Variants in SNX30 observed in about 807,000 individuals in gnomAD.
SNX30 encodes sorting nexin family member 30.
SNX30 carries 24 observed loss-of-function variants against 46.4 expected under a neutral mutation model. That is an observed-to-expected ratio of 0.52 (90% confidence interval 0.37 to 0.73). SNX30 has a LOEUF of 0.73. SNX30 is among the 30% of genes least tolerant of loss of function. The probability of loss-of-function intolerance (pLI) is 0.00; values close to 1 mark genes in which losing one functional copy is unlikely to be tolerated. For synonymous variants in SNX30, 189 were observed against 211.5 expected, an observed-to-expected ratio of 0.89 and a Z score of 0.92; for missense variants, 533 against 555.7, an observed-to-expected ratio of 0.96 and a Z score of 0.41.
intron 6 of SNX30, among the ~76,000 whole-genome samples, chr9:112,841,196 G>T (rs979153655): frequency 6.6e-6 from 1 of 152,142 alleles, no homozygotes; most frequent in Admixed American, 6.5e-5. Context: ...CACAGCACTG[G>T]GATACTATAG....
intron 1 of SNX30, among the ~76,000 whole-genome samples, chr9:112,771,829 A>G (rs1435745843): frequency 6.6e-5 from 10 of 152,362 alleles, no homozygotes. Flanking sequence ...AAGGGAAAAA[A>G]GAGACAGTGC....
intron 4 of SNX30, among the ~76,000 whole-genome samples, chr9:112,833,228 C>T (rs536851690): frequency 1.3e-5 from 2 of 152,260 alleles, no homozygotes; most frequent in African/African-American, 2.4e-5. Flanking sequence ...CTCATTTTTT[C>T]CTTTAACATA....
intron 1 of SNX30, among the ~76,000 whole-genome samples, chr9:112,762,310 A>C (rs1433494256): frequency 1.3e-5 from 2 of 152,056 alleles, no homozygotes; most frequent in African/African-American, 4.8e-5. Context: ...AGGCGGGAAG[A>C]GCACACAGCG....
At chr9:112,859,303 C>T (rs772743202) in intron 7 of SNX30, among the ~76,000 whole-genome samples, 1 of 152,214 alleles carries the variant, frequency 6.6e-6, no homozygotes, top group Non-Finnish European at 1.5e-5. Flanking sequence ...GGGACATACA[C>T]ACACATACAT....
At chr9:112,879,251 C>T (rs1470688386), downstream of SNX30, 1 of 152,600 alleles carries the variant, frequency 6.6e-6, no homozygotes. Context: ...ATTTAAAAGA[C>T]ATTGTTCGTG....
Position 112,840,614 on chromosome 9 carries a change from T to C in SNX30, c.1014+1917T>C, listed in dbSNP as rs376191861. 8.1e-4 allele frequency among the ~76,000 whole-genome samples: 120 copies of C among 148,096 alleles called. 2 individuals are homozygous for C. The South Asian group carries it at 0.018, about 22-fold the overall frequency. Reference sequence around the variant, plus strand: ...GATTCTCGTGCCTCAGCCTCCCGAGTAGCTGGGATTACAGGCACCCGCCAC... The same window carrying C: ...GATTCTCGTGCCTCAGCCTCCCGAGCAGCTGGGATTACAGGCACCCGCCAC... On this transcript the variant is annotated intron_variant, in intron 6 of 8. Coordinates refer to ENST00000374232, the MANE Select transcript of SNX30 (RefSeq NM_001012994.2).
intron 2 of SNX30, among the ~76,000 whole-genome samples, chr9:112,806,251 C>T (rs1204597856): frequency 1.3e-5 from 2 of 152,076 alleles, no homozygotes; most frequent in African/African-American, 4.8e-5. Context: ...ACCCCACCCC[C>T]GACCAGTTGA....
chr9:112,821,643 T>C (rs1416666308), intron 3 of SNX30, among the ~76,000 whole-genome samples: 2 of 151,842 alleles, frequency 1.3e-5, no homozygotes, highest in South Asian at 2.1e-4. Flanking sequence ...CCCGCCACCA[T>C]GCCTGGCTAA....
chr9:112,849,645 G>A (rs1840993658), intron 6 of SNX30, among the ~76,000 whole-genome samples: 1 of 152,144 alleles, frequency 6.6e-6, no homozygotes, highest in South Asian at 2.1e-4. Flanking sequence ...ACTTTTCAGA[G>A]GAAGACTTGA....
chr9:112,775,402 C>T (rs1162386958), intron 1 of SNX30, among the ~76,000 whole-genome samples: 2 of 152,124 alleles, frequency 1.3e-5, no homozygotes, highest in Non-Finnish European at 2.9e-5. Context: ...CCCACCTTGG[C>T]CTCCCAAAGT....
chr9:112,775,248 C>A (rs1839724429), intron 1 of SNX30, among the ~76,000 whole-genome samples: 1 of 151,190 alleles, frequency 6.6e-6, no homozygotes, highest in Non-Finnish European at 1.5e-5. Context: ...CTCCACCTCC[C>A]AGGTTCAAGT....
At chr9:112,786,971 GA>G (rs1355038192) in intron 1 of SNX30, among the ~76,000 whole-genome samples, 1 of 152,030 alleles carries the variant, frequency 6.6e-6, no homozygotes, top group African/African-American at 2.4e-5. Flanking sequence ...CTTTTCCAGT[GA>G]ACACGCTAAC....
At position 112,755,433 on chromosome 9, in the gene SNX30, A is replaced by T. The variant is rs545396988; in HGVS notation, c.156+4276A>T. 4.1e-4 allele frequency among the ~76,000 whole-genome samples: 62 copies of T among 152,028 alleles called. 1 individual carries two copies. In the South Asian group the frequency reaches 0.013, roughly 32 times the overall value. ...GGGCAGAGAAGGGAGGGGTCAGATT[A>T]TATTGAATGTGGCCGGTCACCCTGA... On this transcript the variant is annotated intron_variant, in intron 1 of 8. Coordinates refer to ENST00000374232, the MANE Select transcript of SNX30 (RefSeq NM_001012994.2).
intron 4 of SNX30, among the ~76,000 whole-genome samples, chr9:112,835,348 C>T (rs1840736463): frequency 6.6e-6 from 1 of 152,108 alleles, no homozygotes. Context: ...CTTTTTTGCC[C>T]AGGCTGGAGT....
At position 112,838,692 on chromosome 9, in the gene SNX30, A is replaced by G. The variant is rs765583963; in HGVS notation, c.1009A>G (p.Met337Val). 5 of 1,613,668 alleles carry G rather than the reference A, an allele frequency of 3.1e-6. No individual in the cohort carries two copies. Among genetic ancestry groups the G allele is most frequent in the Non-Finnish European group, 4.2e-6 (5 of 1,179,814 alleles). ...LREYILYSDSMKSVLKKRDQV... is the reference protein window; with the variant it reads ...LREYILYSDSVKSVLKKRDQV... Reference sequence around the variant, plus strand: ...GGAATATATTTTATACTCTGACTCCATGAAGGTAAGCTGGCTTGCTTCTTG... The same window carrying G: ...GGAATATATTTTATACTCTGACTCCGTGAAGGTAAGCTGGCTTGCTTCTTG... The change falls in exon 6 of 9, where the codon ATG becomes GTG. Residue 337 changes from methionine (M) to valine (V), a missense_variant. By Grantham distance (21) the Met-to-Val change is conservative. Around this residue, in one of 3 missense-constraint regions of SNX30, gnomAD observed 261 missense variants for 270.9 expected, o/e 0.96. Transcript: ENST00000374232.
At chr9:112,769,225 G>T (rs889890287) in intron 1 of SNX30, among the ~76,000 whole-genome samples, 2 of 152,196 alleles carry the variant, frequency 1.3e-5, no homozygotes, top group African/African-American at 4.8e-5. Flanking sequence ...AAGGGAGAAG[G>T]CTTTCTTTCC....
At chr9:112,806,137 G>A (rs1315662456) in intron 2 of SNX30, among the ~76,000 whole-genome samples, 4 of 152,134 alleles carry the variant, frequency 2.6e-5, no homozygotes, top group African/African-American at 9.7e-5. Context: ...CAGCAGCCCT[G>A]TCCTCTACCC....
At chr9:112,797,873 ATTTTTT>A (rs55871515) in intron 1 of SNX30, among the ~76,000 whole-genome samples, 6 of 121,972 alleles carry the variant, frequency 4.9e-5, no homozygotes, top group African/African-American at 1.9e-4. Flanking sequence ...TAATATTGGT[ATTTTTT>A]TTTTTTTTTT....
chr9:112,824,613 T>G (rs1374811384), intron 3 of SNX30, among the ~76,000 whole-genome samples: 1 of 152,116 alleles, frequency 6.6e-6, no homozygotes. Flanking sequence ...TCAGTTTTAG[T>G]GAGCTAATAT....
Sources: gnomAD v4.1 joint callset for allele counts (sites outside exome capture counted in the v4.1 genomes callset) on GRCh38, gnomAD v4.1.1 for gene constraint, gnomAD v4.1.1 regional missense constraint, MANE v1.5 for transcripts, NCBI Gene and HGNC (gene_info 2026-07-23, HGNC 2026-07-21) for gene names.